Variants in CAMTA1 observed in about 807,000 individuals in gnomAD.
CAMTA1 encodes the protein calmodulin-binding transcription activator 1.
CAMTA1 carries 27 observed loss-of-function variants against 170.9 expected under a neutral mutation model. That is an observed-to-expected ratio of 0.16 (90% confidence interval 0.12 to 0.22). The LOEUF is 0.22. Ranked by LOEUF, CAMTA1 falls within the 10% of genes least tolerant of loss-of-function variation. The pLI is 1.00. For synonymous variants in CAMTA1, 833 were observed against 891.5 expected (o/e 0.93, Z 1.17); for missense variants, 1,619 against 2,217.2 (o/e 0.73, Z 5.42).
chr1:7,250,334 G>A (rs1239826515), intron 5 of CAMTA1, among the ~76,000 whole-genome samples: 1 of 152,190 alleles, frequency 6.6e-6, no homozygotes, highest in East Asian at 1.9e-4. Flanking sequence ...GAGGGGGAGG[G>A]CATGAGTCAA....
chr1:7,735,536 C>T (rs2096765793), intron 12 of CAMTA1, among the ~76,000 whole-genome samples: 1 of 152,094 alleles, frequency 6.6e-6, no homozygotes, highest in Non-Finnish European at 1.5e-5. Context: ...CTACTCTGCT[C>T]CACTGTCTCA....
intron 3 of CAMTA1, among the ~76,000 whole-genome samples, chr1:6,889,245 G>C (rs1018838105): frequency 1.3e-5 from 2 of 152,148 alleles, no homozygotes; most frequent in Non-Finnish European, 2.9e-5. Flanking sequence ...GAATTATTTT[G>C]ATTATATAAT....
intron 5 of CAMTA1, among the ~76,000 whole-genome samples, chr1:7,294,256 C>T (rs955699598): frequency 8.5e-5 from 13 of 152,128 alleles, no homozygotes; most frequent in African/African-American, 2.2e-4. Flanking sequence ...CAGGGGTTTA[C>T]GCTGTTTAAC....
chr1:7,056,850 TC>T (rs1213495890), intron 3 of CAMTA1, among the ~76,000 whole-genome samples: 1 of 152,054 alleles, frequency 6.6e-6, no homozygotes, highest in Non-Finnish European at 1.5e-5. Context: ...TGTCTTTCCC[TC>T]CCAAAGCTAT....
chr1:7,076,198 C>T (rs56414163), intron 3 of CAMTA1, among the ~76,000 whole-genome samples: 2 of 152,202 alleles, frequency 1.3e-5, no homozygotes, highest in Non-Finnish European at 2.9e-5. Flanking sequence ...ACTGTCATCA[C>T]GTTGGACAAG....
chr1:7,573,624 G>A (rs1207871414), intron 6 of CAMTA1, among the ~76,000 whole-genome samples: 2 of 152,296 alleles, frequency 1.3e-5, no homozygotes, highest in African/African-American at 2.4e-5. Flanking sequence ...GCAAGCATTG[G>A]TACCCCTTGG....
At chr1:7,407,305 C>T (rs2090367889) in intron 5 of CAMTA1, among the ~76,000 whole-genome samples, 2 of 152,226 alleles carry the variant, frequency 1.3e-5, no homozygotes, top group African/African-American at 4.8e-5. Context: ...GCTATTAAAG[C>T]CAGGGCCTTT....
At chr1:6,845,718 A>G (rs1000200248) in intron 3 of CAMTA1, among the ~76,000 whole-genome samples, 16 of 152,246 alleles carry the variant, frequency 1.1e-4, no homozygotes, top group African/African-American at 3.4e-4. Context: ...CTACACTGCT[A>G]TTCTTTGGAA....
intron 5 of CAMTA1, among the ~76,000 whole-genome samples, chr1:7,318,885 A>G (rs1222523266): frequency 6.6e-6 from 1 of 152,198 alleles, no homozygotes; most frequent in Non-Finnish European, 1.5e-5. Flanking sequence ...AAGGGAATGG[A>G]GGTGGGTGAA....
chr1:7,523,303 C>T (rs530021217), intron 6 of CAMTA1, among the ~76,000 whole-genome samples: 4 of 152,174 alleles, frequency 2.6e-5, no homozygotes, highest in Non-Finnish European at 5.9e-5. Flanking sequence ...TTTAGCTATT[C>T]TATTCTAATA....
intron 7 of CAMTA1, among the ~76,000 whole-genome samples, chr1:7,645,565 T>C (rs1358229607): frequency 1.3e-5 from 2 of 152,238 alleles, no homozygotes; most frequent in African/African-American, 4.8e-5. Context: ...GTGCCCTGGC[T>C]GGCCAGATGG....
rs1261246186 is a variant in CAMTA1, at chr1:6,825,165, A to G, written c.189A>G (p.Lys63=). Residue 63 remains lysine, a synonymous_variant, in exon 3 of 23, where the codon AAA becomes AAG. Coordinates refer to ENST00000303635, the MANE Select transcript of CAMTA1 (RefSeq NM_015215.4). ...LPKKLLECLP[K]CSSLPKERHR... The stretch of plus-strand genomic sequence containing the variant: ...AAAAGCTGCTTGAATGTCTGCCGAA[A>G]TGTTCAAGTTTACCAAAAGAGAGGC... 1.2e-6 allele frequency: 2 copies of G among 1,611,786 alleles called. No homozygotes were observed. Among genetic ancestry groups the G allele is most frequent in the Non-Finnish European group, 8.5e-7 (1 of 1,179,190 alleles).
intron 1 of CAMTA1, among the ~76,000 whole-genome samples, chr1:6,785,812 G>T (rs1639068304): frequency 7.1e-6 from 1 of 140,514 alleles, no homozygotes; most frequent in Admixed American, 6.9e-5. Flanking sequence ...CCCCGGGGGC[G>T]GGCTGGGGCC....
intron 3 of CAMTA1, among the ~76,000 whole-genome samples, chr1:6,850,014 G>A (rs996463628): frequency 9.3e-4 from 133 of 143,732 alleles, no homozygotes; most frequent in African/African-American, 2.8e-3. Flanking sequence ...CAACCTGGGC[G>A]ACAGAGCAAG....
intron 3 of CAMTA1, among the ~76,000 whole-genome samples, chr1:6,985,869 C>A (rs1170910258): frequency 1.3e-5 from 2 of 152,200 alleles, no homozygotes; most frequent in South Asian, 2.1e-4. Flanking sequence ...AGGAGAGAGG[C>A]CTTCTGCACT....
rs1243300604 is a variant in CAMTA1 at position 7,186,467 on chromosome 1, C to A, written c.303-63024C>A. On this transcript the variant is annotated intron_variant, in intron 4 of 22. Transcript: ENST00000303635. ...GATGGCCTTGAGGGTATGTGTGATG[C>A]TGGCTCTGAGTTGATCTGTTGGAGA... Among the ~76,000 whole-genome samples the A allele has an allele frequency of 2.0e-5, 3 of 152,138 alleles. No homozygotes were observed. The East Asian group carries it at 5.8e-4, about 29-fold the overall frequency.
Position 7,656,228 on chromosome 1 carries a change from G to A in CAMTA1, c.665-5498G>A, listed in dbSNP as rs116311063. ...CCCTCACAGTGTGCCACAGACTGGC[G>A]GCTTAAACAACAGAAATTGATCGTC... On this transcript the variant is annotated intron_variant, in intron 7 of 22. Transcript: ENST00000303635. Among the ~76,000 whole-genome samples the A allele has an allele frequency of 4.0e-3, 613 of 152,310 alleles. 4 individuals are homozygous for A. The highest frequency in any genetic ancestry group is 0.014 in the African/African-American group (590 of 41,564).
chr1:6,911,526 C>A (rs1679678948), intron 3 of CAMTA1, among the ~76,000 whole-genome samples: 2 of 151,846 alleles, frequency 1.3e-5, no homozygotes, highest in South Asian at 4.2e-4. Flanking sequence ...TGTGTTTGAG[C>A]CATCTCTGTA....
chr1:7,721,543 C>T (rs1020954928), intron 11 of CAMTA1, among the ~76,000 whole-genome samples: 2 of 152,006 alleles, frequency 1.3e-5, no homozygotes, highest in Non-Finnish European at 2.9e-5. Context: ...TTGGCCTCGG[C>T]AGAGGCCCAG....
Sources: allele counts gnomAD v4.1 joint callset (sites outside exome capture counted in the v4.1 genomes callset), GRCh38; gene constraint gnomAD v4.1.1; transcripts MANE v1.5; gene names NCBI Gene and HGNC (gene_info 2026-07-23, HGNC 2026-07-21).